The following IL1RAPL1 variants were observed in gnomAD, a reference collection of about 807,000 sequenced individuals.
The protein encoded by IL1RAPL1 is interleukin 1 receptor accessory protein like 1.
A neutral mutation model predicts 48.4 loss-of-function variants in IL1RAPL1; 3 were observed. That is an observed-to-expected ratio of 0.06 (90% CI 0.03 to 0.16). The LOEUF is 0.16. Ranked by LOEUF, IL1RAPL1 falls within the 10% of genes least tolerant of loss-of-function variation. The probability of loss-of-function intolerance (pLI) is 1.00; values close to 1 mark genes in which losing one functional copy is unlikely to be tolerated. For missense variants in IL1RAPL1, 349 were observed against 530.6 expected (o/e 0.66, Z 3.36); for synonymous variants, 185 against 187.7 (o/e 0.99, Z 0.12).
chrX:28,824,363 A>G (rs952818486), intron 2 of IL1RAPL1, among the ~76,000 whole-genome samples: 3 of 111,215 alleles, frequency 2.7e-5, no homozygotes, highest in Non-Finnish European at 3.8e-5. Context: ...TCCTTCTTTG[A>G]AAACTCTAGT....
chrX:29,687,607 C>G (rs975154649), intron 6 of IL1RAPL1, among the ~76,000 whole-genome samples: 1 of 111,333 alleles, frequency 9.0e-6, no homozygotes, highest in Admixed American at 9.5e-5. Flanking sequence ...GAATGACTAG[C>G]ATTAAAAAGA....
At chrX:29,393,184 C>T (rs773057601) in intron 3 of IL1RAPL1, among the ~76,000 whole-genome samples, 3 of 111,738 alleles carry the variant, frequency 2.7e-5, no homozygotes, top group South Asian at 7.5e-4. Flanking sequence ...TGCAGTCTCG[C>T]GATCTCGGCT....
chrX:28,626,983 C>T (rs1934347153), intron 1 of IL1RAPL1, among the ~76,000 whole-genome samples: 1 of 111,951 alleles, frequency 8.9e-6, no homozygotes, highest in Admixed American at 9.5e-5. Flanking sequence ...GTAACTGATG[C>T]TATACTCTCC....
intron 6 of IL1RAPL1, among the ~76,000 whole-genome samples, chrX:29,674,852 A>G (rs1187453562): frequency 2.7e-5 from 3 of 112,006 alleles, no homozygotes; most frequent in Non-Finnish European, 5.6e-5. Context: ...AGTTTGCTAA[A>G]GATAATGGAC....
At chrX:29,803,202 CACACATGTATAT>C in intron 6 of IL1RAPL1, among the ~76,000 whole-genome samples, 1 of 30,543 alleles carries the variant, frequency 3.3e-5, no homozygotes, top group South Asian at 1.1e-3. Flanking sequence ...TATACATATA[CACACATGTATAT>C]ATGTATACAT....
At chrX:28,608,573 T>A (rs1934111610) in intron 1 of IL1RAPL1, among the ~76,000 whole-genome samples, 1 of 112,071 alleles carries the variant, frequency 8.9e-6, no homozygotes, top group Non-Finnish European at 1.9e-5. Flanking sequence ...GTCATTGATG[T>A]TCATTACCCA....
At chrX:29,580,430 G>A (rs1321464561) in intron 5 of IL1RAPL1, among the ~76,000 whole-genome samples, 1 of 111,665 alleles carries the variant, frequency 9.0e-6, no homozygotes, top group Non-Finnish European at 1.9e-5. Context: ...GATAGCTTGT[G>A]TTACTAGCTC....
intron 2 of IL1RAPL1, among the ~76,000 whole-genome samples, chrX:28,863,993 T>G (rs1037400359): frequency 8.9e-6 from 1 of 112,136 alleles, no homozygotes; most frequent in African/African-American, 3.2e-5. Flanking sequence ...TGAATACCAA[T>G]GTTCTGAAAT....
At chrX:29,151,500 G>A (rs1416054323) in intron 2 of IL1RAPL1, among the ~76,000 whole-genome samples, 1 of 111,356 alleles carries the variant, frequency 9.0e-6, no homozygotes, top group Non-Finnish European at 1.9e-5. Context: ...TTTAAGTGCT[G>A]GTAGTTTATT....
chrX:28,951,150 A>T (rs760011593), intron 2 of IL1RAPL1, among the ~76,000 whole-genome samples: 1 of 95,941 alleles, frequency 1.0e-5, no homozygotes. Flanking sequence ...GAGGGATAGC[A>T]TTGGGAGATA....
At chrX:29,660,108 T>G (rs1247688929) in intron 5 of IL1RAPL1, among the ~76,000 whole-genome samples, 1 of 111,023 alleles carries the variant, frequency 9.0e-6, no homozygotes, top group African/African-American at 3.3e-5. Flanking sequence ...GCGAACTCAC[T>G]CACTATCATG....
At chrX:28,809,143 C>T (rs1419972915) in intron 2 of IL1RAPL1, among the ~76,000 whole-genome samples, 1 of 109,299 alleles carries the variant, frequency 9.1e-6, no homozygotes. Context: ...TTATATAAGA[C>T]AGTTCTTTTT....
At chrX:28,699,965 G>A (rs948426646) in intron 1 of IL1RAPL1, among the ~76,000 whole-genome samples, 1 of 111,204 alleles carries the variant, frequency 9.0e-6, no homozygotes, top group African/African-American at 3.3e-5. Context: ...AGACAGATAT[G>A]CCAATGGAAA....
chrX:28,975,177 G>T (rs1419730770), intron 2 of IL1RAPL1, among the ~76,000 whole-genome samples: 1 of 111,667 alleles, frequency 9.0e-6, no homozygotes, highest in Non-Finnish European at 1.9e-5. Flanking sequence ...TGATTCAGCT[G>T]TATAGAAGTA....
At chrX:28,992,911 A>G (rs1602000502) in intron 2 of IL1RAPL1, among the ~76,000 whole-genome samples, 2 of 112,112 alleles carry the variant, frequency 1.8e-5, no homozygotes, top group East Asian at 5.6e-4. Context: ...AGGAAAATCT[A>G]GTGCAAAGCC....
chrX:29,644,546 GTT>G (rs371435532), intron 5 of IL1RAPL1, among the ~76,000 whole-genome samples: 2 of 98,863 alleles, frequency 2.0e-5, no homozygotes, highest in African/African-American at 7.3e-5. Context: ...TCTATCATGT[GTT>G]TTTTTTTTTG....
chrX:29,810,717 C>A (rs1357460380), intron 6 of IL1RAPL1, among the ~76,000 whole-genome samples: 1 of 111,024 alleles, frequency 9.0e-6, no homozygotes, highest in African/African-American at 3.3e-5. Context: ...TGATTTGTTC[C>A]TGCATTGTGG....
chrX:29,920,895 AG>A (rs1197076546), intron 8 of IL1RAPL1, among the ~76,000 whole-genome samples: 2 of 109,635 alleles, frequency 1.8e-5, no homozygotes, highest in Non-Finnish European at 3.8e-5. Flanking sequence ...TCTTACTGGA[AG>A]ATTGCTCCTT....
chrX:29,664,188 A>C (rs910967356), intron 5 of IL1RAPL1, among the ~76,000 whole-genome samples: 1 of 111,666 alleles, frequency 9.0e-6, no homozygotes, highest in Non-Finnish European at 1.9e-5. Context: ...GCGGATCACG[A>C]GGTCAGGAGA....
Sources: gnomAD v4.1 joint callset for allele counts (sites outside exome capture counted in the v4.1 genomes callset) on GRCh38, gnomAD v4.1.1 for gene constraint, MANE v1.5 for transcripts, NCBI Gene and HGNC (gene_info 2026-07-23, HGNC 2026-07-21) for gene names.